GRID2: variants seen among roughly 807,000 people sequenced by gnomAD.
GRID2 encodes the protein glutamate receptor ionotropic, delta-2.
Under a neutral mutation model 114.8 loss-of-function variants are expected in GRID2, and 33 were observed. The observed-to-expected ratio is 0.29, with a 90% CI of 0.22 to 0.38. GRID2 has a LOEUF of 0.38. GRID2 is among the 10% of genes least tolerant of loss of function. The probability of loss-of-function intolerance (pLI) is 1.00; values close to 1 mark genes in which losing one functional copy is unlikely to be tolerated. For synonymous variants in GRID2, 505 were observed against 449.9 expected (o/e 1.12, Z -1.55); for missense variants, 1,184 against 1,257.7 (o/e 0.94, Z 0.89).
intron 1 of GRID2, among the ~76,000 whole-genome samples, chr4:92,442,838 G>T (rs1733187801): frequency 1.3e-5 from 2 of 152,146 alleles, no homozygotes; most frequent in African/African-American, 4.8e-5. Flanking sequence ...CCTTGACTAT[G>T]CCTTTAGCTC....
chr4:92,770,577 G>T (rs1355862186), intron 2 of GRID2, among the ~76,000 whole-genome samples: 1 of 152,036 alleles, frequency 6.6e-6, no homozygotes, highest in East Asian at 1.9e-4. Flanking sequence ...ACAGTTCCAC[G>T]TGGCTGGGGA....
intron 1 of GRID2, among the ~76,000 whole-genome samples, chr4:92,362,903 T>C (rs1728684432): frequency 6.6e-6 from 1 of 152,028 alleles, no homozygotes; most frequent in Non-Finnish European, 1.5e-5. Context: ...TAACATTTGG[T>C]CGATTATCCA....
intron 14 of GRID2, among the ~76,000 whole-genome samples, chr4:93,692,096 A>G (rs1466412778): frequency 6.6e-6 from 1 of 152,146 alleles, no homozygotes; most frequent in Non-Finnish European, 1.5e-5. Flanking sequence ...CATGTATTCA[A>G]ATGCGGGGCG....
intron 2 of GRID2, among the ~76,000 whole-genome samples, chr4:92,813,830 G>C (rs1560607429): frequency 6.6e-6 from 1 of 152,072 alleles, no homozygotes; most frequent in Non-Finnish European, 1.5e-5. Flanking sequence ...TAGCTTACCA[G>C]TGTCTATATA....
chr4:93,418,170 C>T (rs1451589764), intron 9 of GRID2, among the ~76,000 whole-genome samples: 1 of 151,728 alleles, frequency 6.6e-6, no homozygotes, highest in Admixed American at 6.6e-5. Context: ...ATTTCGACTT[C>T]TAGAAATAGG....
chr4:92,868,196 A>T (rs1745039724), intron 2 of GRID2, among the ~76,000 whole-genome samples: 1 of 152,078 alleles, frequency 6.6e-6, no homozygotes, highest in African/African-American at 2.4e-5. Context: ...TATTAAGACA[A>T]TCCACAATGT....
At chr4:93,540,187 G>T (rs1306895081) in intron 13 of GRID2, among the ~76,000 whole-genome samples, 1 of 151,524 alleles carries the variant, frequency 6.6e-6, no homozygotes, top group East Asian at 1.9e-4. Context: ...GCACTTTATT[G>T]TCCTTTGAAT....
intron 13 of GRID2, among the ~76,000 whole-genome samples, chr4:93,533,711 A>T (rs978422871): frequency 6.6e-6 from 1 of 151,636 alleles, no homozygotes; most frequent in South Asian, 2.1e-4. Flanking sequence ...TTTATTTAAA[A>T]ACATACAAAT....
At chr4:93,237,127 A>G (rs1561025013) in intron 7 of GRID2, among the ~76,000 whole-genome samples, 1 of 151,922 alleles carries the variant, frequency 6.6e-6, no homozygotes, top group Non-Finnish European at 1.5e-5. Flanking sequence ...CATTGGTGAA[A>G]CCCAGGAAGT....
At chr4:92,760,357 G>A (rs1358791844) in intron 2 of GRID2, among the ~76,000 whole-genome samples, 1 of 151,914 alleles carries the variant, frequency 6.6e-6, no homozygotes, top group Non-Finnish European at 1.5e-5. Context: ...TCCTCTGGCT[G>A]CTGGGAAGAT....
rs1560941914 is a variant in GRID2, at chr4:93,163,394, A to ATG, written c.736-44009_736-44008insGT. Among the ~76,000 whole-genome samples, 59 of 44,580 alleles carry ATG rather than the reference A, an allele frequency of 1.3e-3. 2 individuals are homozygous for ATG. The highest frequency in any genetic ancestry group is 5.2e-3 in the African/African-American group (59 of 11,342). 29.2% of individuals were successfully genotyped at this position (44,580 alleles called of 152,430 possible). ...TATATATATATATATATATATATAT[A>ATG]TATATACACTATATATATACATACA... On this transcript the variant is annotated intron_variant, in intron 4 of 15. Transcript: ENST00000282020.
At chr4:93,575,231 G>T (rs1736306322) in intron 13 of GRID2, among the ~76,000 whole-genome samples, 1 of 152,114 alleles carries the variant, frequency 6.6e-6, no homozygotes, top group South Asian at 2.1e-4. Context: ...GGCCACCAAT[G>T]TAACAGTCTA....
At chr4:93,214,361 T>C (rs1305238506) in intron 5 of GRID2, among the ~76,000 whole-genome samples, 1 of 152,104 alleles carries the variant, frequency 6.6e-6, no homozygotes, top group African/African-American at 2.4e-5. Flanking sequence ...ATAGATTAAA[T>C]GATCACTTGT....
intron 13 of GRID2, among the ~76,000 whole-genome samples, chr4:93,596,509 C>T (rs1040192848): frequency 6.6e-6 from 1 of 151,630 alleles, no homozygotes; most frequent in African/African-American, 2.4e-5. Flanking sequence ...ACTCGGGAGG[C>T]GGAGCATGCG....
chr4:93,608,313 T>TTAA (rs1422999953), intron 13 of GRID2, among the ~76,000 whole-genome samples: 6 of 124,468 alleles, frequency 4.8e-5, no homozygotes, highest in African/African-American at 1.6e-4. Context: ...TTTTTTTAAT[T>TTAA]TTTTTTTTTT....
chr4:93,779,826 C>T (rs1264311148), intron 1 of GRID2, among the ~76,000 whole-genome samples: 3 of 152,166 alleles, frequency 2.0e-5, no homozygotes, highest in African/African-American at 7.2e-5. Flanking sequence ...CAGTAGACCA[C>T]GATGTCTGGA....
intron 2 of GRID2, among the ~76,000 whole-genome samples, chr4:92,660,431 G>A (rs1417774804): frequency 6.6e-6 from 1 of 151,196 alleles, no homozygotes; most frequent in African/African-American, 2.4e-5. Context: ...CTCTTGCTTG[G>A]ATTTACATAA....
At chr4:92,842,321 G>T (rs150243164) in intron 2 of GRID2, among the ~76,000 whole-genome samples, 1 of 152,084 alleles carries the variant, frequency 6.6e-6, no homozygotes, top group African/African-American at 2.4e-5. Context: ...TGCCTGCAAT[G>T]CTCACCATCT....
chr4:92,678,284 G>A (rs935331099), intron 2 of GRID2, among the ~76,000 whole-genome samples: 3 of 151,742 alleles, frequency 2.0e-5, no homozygotes, highest in Non-Finnish European at 4.4e-5. Flanking sequence ...TTATTTATTG[G>A]TATTCCCATA....
Sources: allele counts gnomAD v4.1 joint callset (sites outside exome capture counted in the v4.1 genomes callset), GRCh38; gene constraint gnomAD v4.1.1; transcripts MANE v1.5; gene names NCBI Gene and HGNC (gene_info 2026-07-23, HGNC 2026-07-21).